EPHA5: variants seen among roughly 807,000 people sequenced by gnomAD.
EPHA5 encodes the protein EPH receptor A5, also known as ephrin type-A receptor 5.
EPHA5 carries 60 observed loss-of-function variants against 105.0 expected under a neutral mutation model. The ratio of observed to expected loss-of-function variants is 0.57; its 90% CI spans 0.46 to 0.71. The LOEUF (loss-of-function observed/expected upper bound fraction) is 0.71. EPHA5 is among the 30% of genes least tolerant of loss of function. The probability of loss-of-function intolerance (pLI) is 0.00; values close to 1 mark genes in which losing one functional copy is unlikely to be tolerated. For synonymous variants in EPHA5, 513 were observed against 449.1 expected (o/e 1.14, Z -1.80); for missense variants, 1,218 against 1,274.7 (o/e 0.96, Z 0.68).
intron 5 of EPHA5, among the ~76,000 whole-genome samples, chr4:65,439,496 A>C (rs1725812668): frequency 6.9e-6 from 1 of 144,562 alleles, no homozygotes; most frequent in South Asian, 2.1e-4. Context: ...ACCACTCTTT[A>C]AAACTCTTTA....
chr4:65,441,491 T>C (rs1293842423), intron 5 of EPHA5, among the ~76,000 whole-genome samples: 1 of 151,974 alleles, frequency 6.6e-6, no homozygotes, highest in Non-Finnish European at 1.5e-5. Flanking sequence ...TTAAAAATGC[T>C]CACTCTGGTA....
intron 5 of EPHA5, among the ~76,000 whole-genome samples, chr4:65,424,892 C>A (rs1373756818): frequency 6.6e-6 from 1 of 152,086 alleles, no homozygotes; most frequent in African/African-American, 2.4e-5. Context: ...ATATCTTCCT[C>A]ATTCTTTAAA....
chr4:65,450,509 C>T (rs147079955), intron 5 of EPHA5, among the ~76,000 whole-genome samples: 1 of 152,050 alleles, frequency 6.6e-6, no homozygotes, highest in African/African-American at 2.4e-5. Context: ...TAGATCCAGA[C>T]CAATGTAAAA....
intron 3 of EPHA5, among the ~76,000 whole-genome samples, chr4:65,566,093 G>T (rs1264184169): frequency 6.6e-6 from 1 of 151,608 alleles, no homozygotes. Context: ...CTCTGTGGGG[G>T]CCCTACTTCT....
In EPHA5 at chr4:65,598,655, G is replaced by T. The variant is rs114089353; in HGVS notation, c.910+2986C>A. Among the ~76,000 whole-genome samples the T allele has an allele frequency of 5.8e-3, 885 of 152,224 alleles. 11 individuals are homozygous for T. Among genetic ancestry groups the T allele is most frequent in the African/African-American group, 0.02 (845 of 41,518 alleles). The stretch of plus-strand genomic sequence containing the variant: ...AAAAGATATATGAGTAAACAGTGAC[G>T]CTTGATTTAGCCTTGATTGATTGGG... On this transcript the variant is annotated intron_variant, in intron 3 of 16. Transcript: ENST00000613740.
At chr4:65,533,573 T>G (rs1272793157) in intron 3 of EPHA5, among the ~76,000 whole-genome samples, 1 of 152,164 alleles carries the variant, frequency 6.6e-6, no homozygotes, top group Non-Finnish European at 1.5e-5. Context: ...TAACTAAAAT[T>G]GTGAATATCA....
chr4:65,611,608 G>A (rs867947940), intron 2 of EPHA5, among the ~76,000 whole-genome samples: 1 of 149,954 alleles, frequency 6.7e-6, no homozygotes, highest in Non-Finnish European at 1.5e-5. Flanking sequence ...AAATATATCC[G>A]AAAATATAAT....
chr4:65,424,315 T>C (rs1724218139), intron 5 of EPHA5, among the ~76,000 whole-genome samples: 1 of 152,078 alleles, frequency 6.6e-6, no homozygotes, highest in Admixed American at 6.6e-5. Context: ...TAAGGCACAG[T>C]GTTCCAAGAT....
chr4:65,410,664 T>C (rs908906777), intron 7 of EPHA5, among the ~76,000 whole-genome samples: 2 of 152,192 alleles, frequency 1.3e-5, no homozygotes, highest in Admixed American at 1.3e-4. Flanking sequence ...TATTATACTA[T>C]GGTTCTGTAA....
At chr4:65,651,156 C>T (rs1192411098) in intron 1 of EPHA5, among the ~76,000 whole-genome samples, 1 of 152,170 alleles carries the variant, frequency 6.6e-6, no homozygotes, top group African/African-American at 2.4e-5. Flanking sequence ...GGAACTGATA[C>T]AGTCATCGAG....
intron 8 of EPHA5, among the ~76,000 whole-genome samples, chr4:65,393,762 G>T (rs1049240875): frequency 6.6e-6 from 1 of 152,106 alleles, no homozygotes; most frequent in Non-Finnish European, 1.5e-5. Context: ...TTTAGATTAA[G>T]CCACTCTAAA....
At chr4:65,572,627 A>G (rs1308697955) in intron 3 of EPHA5, among the ~76,000 whole-genome samples, 1 of 152,228 alleles carries the variant, frequency 6.6e-6, no homozygotes, top group East Asian at 1.9e-4. Flanking sequence ...TTTATCTGCC[A>G]ATAGTTTCAT....
rs566338510 is a variant in EPHA5, at chr4:65,520,979, G to C, written c.911-25436C>G. Among the ~76,000 whole-genome samples the C allele has an allele frequency of 3.8e-3, 581 of 152,192 alleles. 5 individuals carry two copies. The highest frequency in any genetic ancestry group is 6.8e-3 in the Middle Eastern group (2 of 294). On this transcript the variant is annotated intron_variant, in intron 3 of 16. Coordinates refer to ENST00000613740, the MANE Select transcript of EPHA5 (RefSeq NM_001281766.3). ...GAAGACAGTTTGGCGATTCCTCAAG[G>C]ATCTAGAACTAGAAACACCATTTGA...
intron 2 of EPHA5, among the ~76,000 whole-genome samples, chr4:65,641,380 A>AT (rs556303057): frequency 2.6e-5 from 4 of 151,724 alleles, no homozygotes; most frequent in African/African-American, 4.8e-5. Flanking sequence ...TGACTCGAAC[A>AT]TTTTTTTTCC....
At chr4:65,487,437 TA>T (rs1730985431) in intron 5 of EPHA5, among the ~76,000 whole-genome samples, 2 of 152,154 alleles carry the variant, frequency 1.3e-5, no homozygotes, top group Admixed American at 1.3e-4. Context: ...GCCATAAGAT[TA>T]AAAATTATGG....
intron 5 of EPHA5, among the ~76,000 whole-genome samples, chr4:65,468,283 C>A (rs57440904): frequency 0.2 from 30,815 of 151,332 alleles, 3,923 homozygotes; most frequent in Middle Eastern, 0.35. Flanking sequence ...GGTCACTGAG[C>A]TTTTGAGATG....
At chr4:65,388,397 A>T (rs1352451795) in intron 8 of EPHA5, among the ~76,000 whole-genome samples, 4 of 151,642 alleles carry the variant, frequency 2.6e-5, no homozygotes, top group Non-Finnish European at 5.9e-5. Context: ...CGCCACACTG[A>T]CTTCCACAAT....
intron 7 of EPHA5, among the ~76,000 whole-genome samples, chr4:65,413,073 C>T (rs1723064093): frequency 6.6e-6 from 1 of 151,848 alleles, no homozygotes; most frequent in South Asian, 2.1e-4. Flanking sequence ...ACCTTTTTTC[C>T]TACATCCCTT....
At chr4:65,347,565 T>C (rs1183011479) in intron 14 of EPHA5, among the ~76,000 whole-genome samples, 1 of 152,310 alleles carries the variant, frequency 6.6e-6, no homozygotes, top group Admixed American at 6.5e-5. Flanking sequence ...TGGTATTTCT[T>C]TCAAGTTAAA....
Sources: allele counts gnomAD v4.1 joint callset (sites outside exome capture counted in the v4.1 genomes callset), GRCh38; gene constraint gnomAD v4.1.1; transcripts MANE v1.5; gene names NCBI Gene and HGNC (gene_info 2026-07-23, HGNC 2026-07-21).